KCNIP1: variants seen among roughly 807,000 people sequenced by gnomAD.
KCNIP1 encodes A-type potassium channel modulatory protein KCNIP1.
Under a neutral mutation model 33.0 loss-of-function variants are expected in KCNIP1, and 18 were observed. The ratio of observed to expected loss-of-function variants is 0.55; its 90% CI spans 0.38 to 0.81. KCNIP1 has a LOEUF of 0.81. Ranked by LOEUF, KCNIP1 falls within the 30% of genes least tolerant of loss-of-function variation. The pLI, the probability that KCNIP1 is intolerant of heterozygous loss-of-function variation, is 0.00. For missense variants in KCNIP1, 238 were observed against 271.6 expected, an observed-to-expected ratio of 0.88 and a Z score of 0.87; for synonymous variants, 93 against 98.3, an observed-to-expected ratio of 0.95 and a Z score of 0.32.
intron 1 of KCNIP1, among the ~76,000 whole-genome samples, chr5:170,714,593 C>T (rs1462333179): frequency 6.6e-6 from 1 of 152,120 alleles, no homozygotes; most frequent in Non-Finnish European, 1.5e-5. Flanking sequence ...TAAAAAATTC[C>T]TATTGCCCAG....
At chr5:170,370,805 C>T (rs945325698) in intron 1 of KCNIP1, among the ~76,000 whole-genome samples, 1 of 152,158 alleles carries the variant, frequency 6.6e-6, no homozygotes, top group African/African-American at 2.4e-5. Context: ...GGGGTTCTGG[C>T]TTGTGGCTGA....
rs1030966268 is a variant in KCNIP1, at chr5:170,722,927, C to T, written c.435+107C>T. 28 of 703,492 alleles carry T rather than the reference C, an allele frequency of 4.0e-5. No homozygotes were observed. In the African/African-American group the frequency reaches 4.9e-4, roughly 12 times the overall value. 43.6% of individuals were successfully genotyped at this position (703,492 alleles called of 1,614,324 possible). A position where few individuals can be genotyped will look rare whatever the true frequency, so the allele number is the denominator to read the frequency against. On this transcript the variant is annotated intron_variant, in intron 5 of 7. Transcript: ENST00000328939. ...TAGCACTGTCTGAATGAGGCAGGCT[C>T]TGCTTTGGGGCTAACAGAGCTGGTC... is the stretch of plus-strand genomic sequence containing the variant.
At chr5:170,410,404 A>G (rs2113404584) in intron 1 of KCNIP1, among the ~76,000 whole-genome samples, 1 of 151,970 alleles carries the variant, frequency 6.6e-6, no homozygotes, top group Non-Finnish European at 1.5e-5. Context: ...TTGCAGACAC[A>G]GCATGGGTGC....
At chr5:170,694,131 C>A (rs955149726) in intron 1 of KCNIP1, among the ~76,000 whole-genome samples, 1 of 152,142 alleles carries the variant, frequency 6.6e-6, no homozygotes, top group Non-Finnish European at 1.5e-5. Context: ...GGAAACCTTG[C>A]CTCACCACTG....
intron 1 of KCNIP1, among the ~76,000 whole-genome samples, chr5:170,433,265 C>T (rs1755784312): frequency 6.6e-6 from 1 of 152,202 alleles, no homozygotes; most frequent in Admixed American, 6.5e-5. Context: ...TGGCTCACTG[C>T]AACCCCTGCC....
At chr5:170,641,587 A>C (rs1760561463) in intron 1 of KCNIP1, among the ~76,000 whole-genome samples, 1 of 152,228 alleles carries the variant, frequency 6.6e-6, no homozygotes, top group Admixed American at 6.5e-5. Flanking sequence ...GTGGACTTTC[A>C]TGCGTGGACT....
chr5:170,487,667 G>A (rs992159267), intron 1 of KCNIP1, among the ~76,000 whole-genome samples: 39 of 151,934 alleles, frequency 2.6e-4, no homozygotes, highest in African/African-American at 8.2e-4. Context: ...AACCACAGGC[G>A]CATGCCACCA....
intron 1 of KCNIP1, among the ~76,000 whole-genome samples, chr5:170,567,295 A>G (rs1447060495): frequency 6.6e-6 from 1 of 152,222 alleles, no homozygotes; most frequent in African/African-American, 2.4e-5. Flanking sequence ...AACTACAGTT[A>G]TCCAGTCCAA....
At chr5:170,627,550 G>C (rs1224038874) in intron 1 of KCNIP1, among the ~76,000 whole-genome samples, 1 of 152,206 alleles carries the variant, frequency 6.6e-6, no homozygotes, top group East Asian at 1.9e-4. Flanking sequence ...CAGGGCCACC[G>C]GCCACTGCTC....
chr5:170,508,777 T>C (rs574281296), intron 1 of KCNIP1, among the ~76,000 whole-genome samples: 45 of 152,340 alleles, frequency 3.0e-4, no homozygotes, highest in Non-Finnish European at 5.7e-4. Flanking sequence ...GCAATTTCCA[T>C]ATTCAGGAAG....
chr5:170,398,698 T>G (rs575398275), intron 1 of KCNIP1, among the ~76,000 whole-genome samples: 2 of 152,352 alleles, frequency 1.3e-5, no homozygotes, highest in East Asian at 1.9e-4. Context: ...AGGCCCAATC[T>G]TCATCAGCTG....
chr5:170,527,984 T>A (rs1340773270), intron 1 of KCNIP1, among the ~76,000 whole-genome samples: 2 of 152,080 alleles, frequency 1.3e-5, no homozygotes, highest in Non-Finnish European at 2.9e-5. Context: ...TTTTCGATTA[T>A]CCTTTACTGC....
intron 1 of KCNIP1, among the ~76,000 whole-genome samples, chr5:170,664,526 G>T (rs1417003133): frequency 1.3e-5 from 2 of 152,056 alleles, no homozygotes; most frequent in African/African-American, 4.8e-5. Context: ...GCCCAGGCTG[G>T]TCTCGAACTC....
rs199798233 is a variant in KCNIP1, at chr5:170,472,938, T to TA, written c.88+118975dup. Among the ~76,000 whole-genome samples, 795 of 152,330 alleles carry TA rather than the reference T, an allele frequency of 5.2e-3. 10 individuals carry two copies. Among genetic ancestry groups the TA allele is most frequent in the African/African-American group, 0.018 (733 of 41,566 alleles). On this transcript the variant is annotated intron_variant, in intron 1 of 7. Transcript: ENST00000377360. ...ATATAAAGACTTCTTTTCCTCTGGGTAGATACCCAGTAGTGGGATTGCTGG... is the reference window on the plus strand; with the variant it reads ...ATATAAAGACTTCTTTTCCTCTGGGTAAGATACCCAGTAGTGGGATTGCTGG...
At chr5:170,390,517 A>AAATATATATATATATATATAT in intron 1 of KCNIP1, among the ~76,000 whole-genome samples, 9 of 74,532 alleles carry the variant, frequency 1.2e-4, no homozygotes, top group South Asian at 4.4e-4. Context: ...AAAAAAAACA[A>AAATATATATATATATATATAT]ATATATATAT....
chr5:170,717,502 T>C (rs1763679092), intron 1 of KCNIP1, among the ~76,000 whole-genome samples: 1 of 152,146 alleles, frequency 6.6e-6, no homozygotes, highest in Non-Finnish European at 1.5e-5. Flanking sequence ...AAGATGGCAA[T>C]TAGGAATTGT....
intron 1 of KCNIP1, among the ~76,000 whole-genome samples, chr5:170,486,801 C>A (rs889537850): frequency 2.6e-5 from 4 of 152,202 alleles, no homozygotes; most frequent in Admixed American, 2.6e-4. Flanking sequence ...CCTGCCCCAG[C>A]CAGCTTTCTT....
At chr5:170,379,039 T>G in intron 1 of KCNIP1, 2 of 1,555,372 alleles carry the variant, frequency 1.3e-6, no homozygotes, top group African/African-American at 1.4e-5. Flanking sequence ...GGGCTTGATA[T>G]GGAGTAAAGA....
At chr5:170,681,890 G>C (rs1369022885) in intron 1 of KCNIP1, among the ~76,000 whole-genome samples, 1 of 152,192 alleles carries the variant, frequency 6.6e-6, no homozygotes, top group Non-Finnish European at 1.5e-5. Flanking sequence ...AGTTTGTCTA[G>C]ATGATTTTTG....
Sources: allele counts gnomAD v4.1 joint callset (sites outside exome capture counted in the v4.1 genomes callset), GRCh38; gene constraint gnomAD v4.1.1; transcripts MANE v1.5; gene names NCBI Gene and HGNC (gene_info 2026-07-23, HGNC 2026-07-21).